Variants in CD1D observed in about 807,000 individuals in gnomAD.
CD1D encodes the protein antigen-presenting glycoprotein CD1d.
In CD1D, 40 loss-of-function variants were observed where a neutral mutation model predicts 42.1. That is an observed-to-expected ratio of 0.95 (90% CI 0.74 to 1.24). CD1D has a LOEUF of 1.24. CD1D is among the 50% of genes most tolerant of loss of function. The pLI is 0.00. For missense variants in CD1D, 437 were observed against 416.5 expected (o/e 1.05, Z -0.43); for synonymous variants, 178 against 171.8 (o/e 1.04, Z -0.28).
chr1:158,182,944 A>G lies in CD1D; in HGVS notation c.674A>G (p.His225Arg). The change falls in exon 4 of 6, where the codon CAT (histidine) becomes CGT (arginine). Residue 225 changes from histidine (H) to arginine (R), a missense_variant. Transcript: ENST00000674085. ...CCTGGCCGTCTGCTGCTGGTGTGCC[A>G]TGTCTCAGGATTCTACCCAAAGCCT... Reference protein sequence around the residue: ...PGPGRLLLVCHVSGFYPKPVW... With the variant: ...PGPGRLLLVCRVSGFYPKPVW... 6.2e-7 allele frequency: 1 copy of G among 1,614,124 alleles called. No homozygotes were observed. The highest frequency in any genetic ancestry group is 8.5e-7 in the Non-Finnish European group (1 of 1,180,014).
Position 158,180,936 on chromosome 1 carries a change from GC to G in CD1D, c.-165del. On this transcript the variant is annotated 5_prime_UTR_variant, in exon 1 of 6. Coordinates refer to ENST00000674085, the MANE Select transcript of CD1D (RefSeq NM_001371762.2). ...AGGGCGAGGGCGCCCTTCGGCAGAA[GC>G]AGCAAACCGCCGGCAAGCCCAGCGA... 1.8e-6 allele frequency: 1 copy of G among 551,060 alleles called. No individual in the cohort carries two copies. The highest frequency in any genetic ancestry group is 3.0e-6 in the Non-Finnish European group (1 of 335,282). The allele number at this position is 551,060 out of a possible 1,614,324, so 34.1% of individuals were successfully genotyped here. A position where few individuals can be genotyped will look rare whatever the true frequency, so the allele number is the denominator to read the frequency against.
At chr1:158,182,683 G>A (rs1338107162) in intron 3 of CD1D, among the ~76,000 whole-genome samples, 195 bp from the exon 4 acceptor site, 1 of 152,180 alleles carries the variant, frequency 6.6e-6, no homozygotes, top group Non-Finnish European at 1.5e-5. Context: ...GGAGTATCAG[G>A]GCAGGCTCCC....
chr1:158,182,350 GC>G, intron 3 of CD1D, 40 bp downstream of exon 3: 1 of 1,611,166 alleles, frequency 6.2e-7, no homozygotes, highest in Middle Eastern at 1.7e-4. Flanking sequence ...CCACTTCAGG[GC>G]TCCAAACGGG....
In CD1D at chr1:158,183,961, G is replaced by A; in HGVS notation, c.912G>A (p.Leu304=). The A allele has an allele frequency of 6.2e-7, 1 of 1,614,210 alleles. No individual in the cohort carries two copies. Among genetic ancestry groups the A allele is most frequent in the Non-Finnish European group, 8.5e-7 (1 of 1,180,028 alleles). ...YWGGSYTSMG[L]IALAVLACLL... The stretch of plus-strand genomic sequence containing the variant: ...GTGGGAGCTACACCTCCATGGGCTT[G>A]ATTGCCTTGGCAGTCCTGGCGTGCT... The change falls in exon 5 of 6, where the codon TTG becomes TTA. Residue 304 remains leucine, a synonymous_variant. Coordinates refer to ENST00000674085, the MANE Select transcript of CD1D (RefSeq NM_001371762.2).
chr1:158,179,804 A>C (rs1278488591), upstream of CD1D: 1 of 152,300 alleles, frequency 6.6e-6, no homozygotes, highest in East Asian at 1.9e-4. Flanking sequence ...CTTAGTCAGG[A>C]AGAGGTTTTG....
At chr1:158,182,468 TG>T in intron 3 of CD1D, 158 bp downstream of exon 3, 1 of 768,624 alleles carries the variant, frequency 1.3e-6, no homozygotes, top group Non-Finnish European at 2.2e-6. Flanking sequence ...AGACATCAAC[TG>T]AGCACCTCTT....
chr1:158,179,488 T>C (rs1648298421), upstream of CD1D, among the ~76,000 whole-genome samples: 1 of 152,214 alleles, frequency 6.6e-6, no homozygotes, highest in African/African-American at 2.4e-5. Flanking sequence ...CCTTGCCTTC[T>C]GGCACCTCTC....
In CD1D at chr1:158,182,228, A is replaced by T; in HGVS notation, c.525A>T (p.Thr175=). 1 of 1,614,210 alleles carries T rather than the reference A, an allele frequency of 6.2e-7. No homozygotes were observed. The highest frequency in any genetic ancestry group is 8.5e-7 in the Non-Finnish European group (1 of 1,180,028). The change falls in exon 3 of 6, where the codon ACA becomes ACT. Residue 175 remains threonine (T), a synonymous_variant. Transcript: ENST00000674085. ...VLNQDKWTRE[T]VQWLLNGTCP... Reference sequence around the variant, plus strand: ...ACCAGGACAAGTGGACGAGGGAAACAGTGCAGTGGCTCCTTAATGGCACCT... The same window carrying T: ...ACCAGGACAAGTGGACGAGGGAAACTGTGCAGTGGCTCCTTAATGGCACCT...
rs1400252824 is a variant in CD1D, at chr1:158,185,113, T to C, written c.*963T>C. Among the ~76,000 whole-genome samples the C allele has an allele frequency of 2.0e-5, 3 of 151,496 alleles. No individual in the cohort carries two copies. Among genetic ancestry groups the C allele is most frequent in the Admixed American group, 1.3e-4 (2 of 15,254 alleles). Reference sequence around the variant, plus strand: ...CTTGGGCAAGCATGAGCTGCAGCGATGATGGTGATGGTAGCCCAGCCATGC... The same window carrying C: ...CTTGGGCAAGCATGAGCTGCAGCGACGATGGTGATGGTAGCCCAGCCATGC... On this transcript the variant is annotated 3_prime_UTR_variant, in exon 6 of 6. Transcript: ENST00000674085.
At chr1:158,179,476 A>T (rs1648298052), upstream of CD1D, among the ~76,000 whole-genome samples, 1 of 152,168 alleles carries the variant, frequency 6.6e-6, no homozygotes. Flanking sequence ...TGGAGACATG[A>T]TCCTTGCCTT....
Position 158,184,453 on chromosome 1 carries a change from A to G in CD1D, c.*303A>G, listed in dbSNP as rs1571069687. ...GAAGACCTACCAGGGACAAGCAGGT[A>G]AGAGCTGATGTGAGTGTGTGTGATG... On this transcript the variant is annotated 3_prime_UTR_variant, in exon 6 of 6. Transcript: ENST00000674085. The G allele has an allele frequency of 2.1e-6, 1 of 469,424 alleles. No individual in the cohort carries two copies. The highest frequency in any genetic ancestry group is 4.2e-5 in the East Asian group (1 of 23,794). 29.1% of individuals were successfully genotyped at this position (469,424 alleles called of 1,614,324 possible). A position where few individuals can be genotyped will look rare whatever the true frequency, so the allele number is the denominator to read the frequency against.
intron 3 of CD1D, 35 bp from the exon 4 acceptor site, chr1:158,182,843 C>CT (rs764933486): frequency 1.3e-6 from 2 of 1,562,094 alleles, no homozygotes; most frequent in African/African-American, 1.4e-5. Context: ...AGAGTTTTCA[C>CT]TTTAAGATCC....
rs765463924 is a variant in CD1D, at chr1:158,181,514, T to C, written c.121T>C (p.Trp41Arg). 6.2e-7 allele frequency: 1 copy of C among 1,614,040 alleles called. No individual in the cohort carries two copies. The highest frequency in any genetic ancestry group is 1.1e-5 in the South Asian group (1 of 91,062). ...GATCTCGTCCTTCGCCAATAGCAGC[T>C]GGACGCGCACCGACGGCTTGGCGTG... ...LQISSFANSSWTRTDGLAWLG... is the reference protein window; with the variant it reads ...LQISSFANSSRTRTDGLAWLG... Residue 41 changes from tryptophan (W) to arginine (R), a missense_variant, in exon 2 of 6, where the codon TGG (tryptophan) becomes CGG (arginine). Trp to Arg is a moderately radical substitution (Grantham distance 101). Coordinates refer to ENST00000674085, the MANE Select transcript of CD1D (RefSeq NM_001371762.2).
chr1:158,182,084 C>G lies in CD1D; in HGVS notation c.381C>G (p.Ala127=), dbSNP rs1442300320. 2 of 1,614,066 alleles carry G rather than the reference C, an allele frequency of 1.2e-6. No individual in the cohort carries two copies. The highest frequency in any genetic ancestry group is 3.3e-4 in the Middle Eastern group (2 of 6,062). The change falls in exon 3 of 6, where the codon GCC becomes GCG. Residue 127 remains alanine, a synonymous_variant. Coordinates refer to ENST00000674085, the MANE Select transcript of CD1D (RefSeq NM_001371762.2). ...SAGCEVHPGN[A]SNNFFHVAFQ... is the part of the protein sequence containing the mutation. ...GCTGTGAGGTGCACCCTGGGAACGC[C>G]TCAAATAACTTCTTCCATGTAGCAT...
In CD1D at chr1:158,181,475, C is replaced by T. The variant is rs1424286438; in HGVS notation, c.82C>T (p.Leu28Phe). 6.2e-7 allele frequency: 1 copy of T among 1,614,078 alleles called. No homozygotes were observed. The highest frequency in any genetic ancestry group is 1.7e-5 in the Admixed American group (1 of 60,020). The stretch of plus-strand genomic sequence containing the variant: ...CCCAGTCCCGCAAAGGCTTTTCCCC[C>T]TCCGCTGCCTCCAGATCTCGTCCTT... ...SAEVPQRLFP[L>F]RCLQISSFAN... Residue 28 changes from leucine (L) to phenylalanine (F), a missense_variant, in exon 2 of 6, where the codon CTC (leucine) becomes TTC (phenylalanine). Physicochemically the swap from Leu to Phe is conservative, Grantham distance 22. Transcript: ENST00000674085.
intron 2 of CD1D, 98 bp from the exon 3 acceptor site, chr1:158,181,934 G>A (rs1648448568): frequency 1.4e-6 from 2 of 1,464,048 alleles, no homozygotes; most frequent in South Asian, 2.7e-5. Flanking sequence ...TTTCCCTGAA[G>A]TCTGGGTCCC....
Position 158,186,427 on chromosome 1 carries a change from A to T in CD1D, c.*2277A>T, listed in dbSNP as rs1468633267. ...AAATAAAGGCTTATCTCTCCAGGAA[A>T]TTTTTTCTTCCTTCAAATAAATACT... On this transcript the variant is annotated 3_prime_UTR_variant, in exon 6 of 6. Transcript: ENST00000674085. 2.0e-5 allele frequency among the ~76,000 whole-genome samples: 3 copies of T among 152,140 alleles called. No homozygotes were observed. The highest frequency in any genetic ancestry group is 3.8e-4 in the East Asian group (2 of 5,198).
At position 158,181,053 on chromosome 1, in the gene CD1D, C is replaced by T. The variant is rs1391743138; in HGVS notation, c.-49C>T. 5 of 1,499,470 alleles carry T rather than the reference C, an allele frequency of 3.3e-6. No homozygotes were observed. Among genetic ancestry groups the T allele is most frequent in the South Asian group, 2.5e-5 (2 of 78,574 alleles). 92.9% of individuals were successfully genotyped at this position (1,499,470 alleles called of 1,614,324 possible). On this transcript the variant is annotated 5_prime_UTR_variant, in exon 1 of 6. Transcript: ENST00000674085. The stretch of plus-strand genomic sequence containing the variant: ...CGGCGGGGGAGAAGAGTGCGCAGGT[C>T]AGAGGGCGGCGCGCAGCGGCGCTCC...
At chr1:158,178,937 G>A (rs184982774), upstream of CD1D, among the ~76,000 whole-genome samples, 19 of 152,188 alleles carry the variant, frequency 1.2e-4, no homozygotes, top group Admixed American at 7.2e-4. Flanking sequence ...AAAAATATCC[G>A]TATAATTCCA....
Sources: allele counts gnomAD v4.1 joint callset (sites outside exome capture counted in the v4.1 genomes callset), GRCh38; gene constraint gnomAD v4.1.1; transcripts MANE v1.5; gene names NCBI Gene and HGNC (gene_info 2026-07-23, HGNC 2026-07-21).